GRM1: variants seen among roughly 807,000 people sequenced by gnomAD.
GRM1 encodes glutamate metabotropic receptor 1, also known as metabotropic glutamate receptor 1.
GRM1 carries 33 observed loss-of-function variants against 90.9 expected under a neutral mutation model. That is an observed-to-expected ratio of 0.36 (90% CI 0.28 to 0.49). The LOEUF (loss-of-function observed/expected upper bound fraction) is 0.49, where lower values mean the gene tolerates loss of function less well. Among genes scored for constraint, GRM1 ranks in the 20% least tolerant of loss-of-function variants. The pLI is 0.99. For synonymous variants in GRM1, 700 were observed against 613.2 expected, an observed-to-expected ratio of 1.14 and a Z score of -2.09; for missense variants, 1,190 against 1,534.3, an observed-to-expected ratio of 0.78 and a Z score of 3.75.
intron 2 of GRM1, among the ~76,000 whole-genome samples, chr6:146,172,774 T>C (rs1320381169): frequency 1.3e-5 from 2 of 152,222 alleles, no homozygotes; most frequent in African/African-American, 4.8e-5. Flanking sequence ...ATTAAAACAG[T>C]ATTTTTTATA....
intron 1 of GRM1, among the ~76,000 whole-genome samples, chr6:146,150,077 G>A (rs1181140529): frequency 1.3e-5 from 2 of 152,092 alleles, no homozygotes; most frequent in Non-Finnish European, 2.9e-5. Context: ...TAGGTATTAA[G>A]TGGCAGAGCA....
Position 146,203,005 on chromosome 6 carries a change from C to A in GRM1, c.950+43408C>A, listed in dbSNP as rs988937674. Among the ~76,000 whole-genome samples, 5 of 152,016 alleles carry A rather than the reference C, an allele frequency of 3.3e-5. No individual in the cohort carries two copies. The South Asian group carries it at 8.3e-4, about 25-fold the overall frequency. On this transcript the variant is annotated intron_variant, in intron 2 of 7. Coordinates refer to ENST00000282753, the MANE Select transcript of GRM1 (RefSeq NM_001278064.2). ...GGTCAGGAGAGAGAGACAATCCTGG[C>A]TAACACGGTGAAACCCCGTCTCACT...
At chr6:146,317,475 G>C (rs747554980) in intron 3 of GRM1, among the ~76,000 whole-genome samples, 2 of 152,074 alleles carry the variant, frequency 1.3e-5, no homozygotes, top group Non-Finnish European at 2.9e-5. Flanking sequence ...GTATCTATAT[G>C]CCTTGTATTT....
At chr6:146,200,779 C>T (rs1211179029) in intron 2 of GRM1, among the ~76,000 whole-genome samples, 1 of 151,994 alleles carries the variant, frequency 6.6e-6, no homozygotes, top group Admixed American at 6.6e-5. Context: ...GGCCACAATG[C>T]AAATCTGAAA....
At chr6:146,050,197 G>A (rs1376140870) in intron 1 of GRM1, among the ~76,000 whole-genome samples, 1 of 151,982 alleles carries the variant, frequency 6.6e-6, no homozygotes, top group African/African-American at 2.4e-5. Context: ...ACCTGTTCTT[G>A]TCAACCAGAA....
intron 2 of GRM1, among the ~76,000 whole-genome samples, chr6:146,224,165 C>G (rs1780162047): frequency 6.6e-6 from 1 of 152,052 alleles, no homozygotes; most frequent in Non-Finnish European, 1.5e-5. Context: ...ATTGAATCAT[C>G]TAATTACTGA....
chr6:146,233,316 G>A (rs1002996020), intron 2 of GRM1, among the ~76,000 whole-genome samples: 1 of 152,082 alleles, frequency 6.6e-6, no homozygotes, highest in Non-Finnish European at 1.5e-5. Context: ...TGGCTCATGA[G>A]AGCTAATTGT....
chr6:146,378,862 G>C (rs1776210541), intron 5 of GRM1, among the ~76,000 whole-genome samples: 1 of 152,142 alleles, frequency 6.6e-6, no homozygotes, highest in Admixed American at 6.6e-5. Context: ...CTGTTCTTGT[G>C]ATAGTGAAGA....
intron 3 of GRM1, among the ~76,000 whole-genome samples, chr6:146,305,071 A>G (rs1783527015): frequency 6.6e-6 from 1 of 150,766 alleles, no homozygotes; most frequent in South Asian, 2.1e-4. Context: ...GTGATACGAG[A>G]TAACAGAAGT....
chr6:146,311,510 A>G (rs948859350), intron 3 of GRM1, among the ~76,000 whole-genome samples: 3 of 152,206 alleles, frequency 2.0e-5, no homozygotes, highest in African/African-American at 7.2e-5. Flanking sequence ...TAGGCACAAT[A>G]TTGGCCTACC....
chr6:146,330,945 G>T (rs1185912673), intron 3 of GRM1, among the ~76,000 whole-genome samples: 1 of 152,142 alleles, frequency 6.6e-6, no homozygotes, highest in Non-Finnish European at 1.5e-5. Context: ...TAACTAACAG[G>T]AACTAATCAT....
intron 1 of GRM1, among the ~76,000 whole-genome samples, chr6:146,078,431 G>T (rs1218424251): frequency 6.6e-6 from 1 of 152,194 alleles, no homozygotes; most frequent in East Asian, 1.9e-4. Flanking sequence ...GATTCTGGCT[G>T]TTCAGCACAA....
intron 1 of GRM1, among the ~76,000 whole-genome samples, chr6:146,132,310 T>C (rs999562047): frequency 4.6e-5 from 7 of 152,012 alleles, no homozygotes; most frequent in Admixed American, 2.6e-4. Context: ...TTGAAGGATA[T>C]GGCAATAGTC....
At chr6:146,094,692 C>T (rs1177071427) in intron 1 of GRM1, among the ~76,000 whole-genome samples, 1 of 151,998 alleles carries the variant, frequency 6.6e-6, no homozygotes, top group East Asian at 1.9e-4. Context: ...CTCAGAGACT[C>T]ATTTTAGACT....
At chr6:146,397,484 G>GAAAAAAAAAAAAAAAAAAAAAAAAC (rs577471775) in intron 6 of GRM1, among the ~76,000 whole-genome samples, 1 of 45,030 alleles carries the variant, frequency 2.2e-5, no homozygotes, top group Non-Finnish European at 4.7e-5. Context: ...AAAAAAAAAA[G>GAAAAAAAAAAAAAAAAAAAAAAAAC]AAAAAAAAAA....
At chr6:146,282,750 A>G (rs371572070) in intron 2 of GRM1, among the ~76,000 whole-genome samples, 1 of 152,222 alleles carries the variant, frequency 6.6e-6, no homozygotes, top group South Asian at 2.1e-4. Context: ...AAAAAATGTA[A>G]TAAAAAAAGG....
Position 146,161,003 on chromosome 6 carries a change from A to G in GRM1, c.950+1406A>G, listed in dbSNP as rs1777702931. 2.6e-5 allele frequency among the ~76,000 whole-genome samples: 4 copies of G among 152,184 alleles called. No individual in the cohort carries two copies. In the South Asian group the frequency reaches 8.3e-4, roughly 31 times the overall value. ...AGGTCTTCTAAGGAGTATTTAAATAAGAAATGTTATTTCTTTTAGGAGTGA... is the reference window on the plus strand; with the variant it reads ...AGGTCTTCTAAGGAGTATTTAAATAGGAAATGTTATTTCTTTTAGGAGTGA... On this transcript the variant is annotated intron_variant, in intron 2 of 7. Coordinates refer to ENST00000282753, the MANE Select transcript of GRM1 (RefSeq NM_001278064.2).
At chr6:146,428,010 TA>T (rs1240411857) in intron 7 of GRM1, among the ~76,000 whole-genome samples, 1 of 152,160 alleles carries the variant, frequency 6.6e-6, no homozygotes, top group African/African-American at 2.4e-5. Flanking sequence ...AAAGCAAAAG[TA>T]AAAGCTGAAT....
chr6:146,102,416 C>A (rs1009976100), intron 1 of GRM1, among the ~76,000 whole-genome samples: 18 of 152,334 alleles, frequency 1.2e-4, no homozygotes, highest in African/African-American at 4.3e-4. Flanking sequence ...GCTCATAAAT[C>A]TTTTTCTCCT....
Sources: allele counts gnomAD v4.1 joint callset (sites outside exome capture counted in the v4.1 genomes callset), GRCh38; gene constraint gnomAD v4.1.1; transcripts MANE v1.5; gene names NCBI Gene and HGNC (gene_info 2026-07-23, HGNC 2026-07-21).